Variants in HAVCR1 observed in about 807,000 individuals in gnomAD.
The protein encoded by HAVCR1 is hepatitis A virus cellular receptor 1.
In HAVCR1, 34 loss-of-function variants were observed where a neutral mutation model predicts 32.0. The observed-to-expected ratio is 1.06, with a 90% CI of 0.81 to 1.42. HAVCR1 has a LOEUF of 1.42. Among genes scored for constraint, HAVCR1 ranks in the 40% most tolerant of loss-of-function variants. HAVCR1 has a pLI of 0.00. For synonymous variants in HAVCR1, 178 were observed against 170.3 expected (o/e 1.05, Z -0.35); for missense variants, 420 against 442.3 (o/e 0.95, Z 0.45).
chr5:157,045,607 C>G (rs193114095), intron 5 of HAVCR1, among the ~76,000 whole-genome samples: 1 of 147,772 alleles, frequency 6.8e-6, no homozygotes, highest in African/African-American at 2.7e-5. Flanking sequence ...CTCAATCTGG[C>G]AATAGCATTA....
At chr5:157,052,339 C>A (rs774908760) in intron 4 of HAVCR1, 22 bp downstream of exon 4, 10 of 1,611,082 alleles carry the variant, frequency 6.2e-6, no homozygotes, top group African/African-American at 1.3e-5. Flanking sequence ...GGCCTTTGGG[C>A]TTCCAAACAC....
At chr5:157,042,407 A>G (rs1754958322) in intron 6 of HAVCR1, among the ~76,000 whole-genome samples, 1 of 145,134 alleles carries the variant, frequency 6.9e-6, no homozygotes, top group African/African-American at 2.6e-5. Context: ...GCACCACTGC[A>G]CTCCAGCCTG....
intron 5 of HAVCR1, among the ~76,000 whole-genome samples, 164 bp downstream of exon 5, chr5:157,048,874 A>C (rs1755571800): frequency 6.6e-6 from 1 of 152,076 alleles, no homozygotes; most frequent in Non-Finnish European, 1.5e-5. Context: ...CACCAATGAC[A>C]AAACATTCAG....
chr5:157,035,532 CTG>C (rs1179396975), intron 7 of HAVCR1, among the ~76,000 whole-genome samples: 3 of 152,100 alleles, frequency 2.0e-5, no homozygotes, highest in Non-Finnish European at 2.9e-5. Context: ...CTTTTTTAGT[CTG>C]TGTCTTGCTA....
intron 6 of HAVCR1, among the ~76,000 whole-genome samples, chr5:157,039,546 A>C (rs960300650): frequency 6.6e-6 from 1 of 152,154 alleles, no homozygotes; most frequent in East Asian, 1.9e-4. Flanking sequence ...AGGAGGTTTC[A>C]TCATATTGGT....
intron 5 of HAVCR1, among the ~76,000 whole-genome samples, chr5:157,042,891 G>T (rs181851720): frequency 1.3e-5 from 2 of 152,050 alleles, no homozygotes; most frequent in African/African-American, 4.8e-5. Context: ...TCTGTCACCG[G>T]CTCTTTGAAA....
At chr5:157,035,956 T>G (rs1754502120) in intron 7 of HAVCR1, among the ~76,000 whole-genome samples, 1 of 152,170 alleles carries the variant, frequency 6.6e-6, no homozygotes, top group Admixed American at 6.5e-5. Context: ...GTGCAAATAC[T>G]ACACCATTTT....
In HAVCR1 at chr5:157,044,629, GAAAGAAAGAA is replaced by G. The variant is rs1755229153; in HGVS notation, c.782-1957_782-1948del. ...AAAGAAAGAAAGAGAAAGAAAGAAAGAAAGAAAGAAAGAAAGAAAGAAAGAAAGAAAGAAA... is the reference window on the plus strand; with the variant it reads ...AAAGAAAGAAAGAGAAAGAAAGAAAGAGAAAGAAAGAAAGAAAGAAAGAAA... On this transcript the variant is annotated intron_variant, in intron 5 of 8. Coordinates refer to ENST00000523175, the MANE Select transcript of HAVCR1 (RefSeq NM_001173393.3). Among the ~76,000 whole-genome samples the G allele has an allele frequency of 9.7e-5, 6 of 61,668 alleles. No homozygotes were observed. In the South Asian group the frequency reaches 3.8e-3, roughly 39 times the overall value. 40.5% of individuals were successfully genotyped at this position (61,668 alleles called of 152,430 possible).
At position 157,055,602 on chromosome 5, in the gene HAVCR1, A is replaced by G. The variant is rs1581728202; in HGVS notation, c.47-69T>C. ...TCATCTTGGCTGGGCACAATGGCTCACGCCTGTAATCCAAGAACTTTGGGA... is the reference window on the plus strand; with the variant it reads ...TCATCTTGGCTGGGCACAATGGCTCGCGCCTGTAATCCAAGAACTTTGGGA... On this transcript the variant is annotated intron_variant, in intron 2 of 8. Transcript: ENST00000523175. 1.2e-5 allele frequency: 12 copies of G among 984,028 alleles called. 1 individual carries two copies. Among genetic ancestry groups the G allele is most frequent in the East Asian group, 7.4e-5 (3 of 40,714 alleles). The allele number at this position is 984,028 out of a possible 1,614,324, so 61.0% of individuals were successfully genotyped here.
intron 5 of HAVCR1, among the ~76,000 whole-genome samples, chr5:157,045,179 A>G (rs1755313544): frequency 6.6e-6 from 1 of 152,086 alleles, no homozygotes; most frequent in African/African-American, 2.4e-5. Flanking sequence ...AAAATTATAG[A>G]AATAAACTGT....
chr5:157,043,818 C>T (rs1561588969), intron 5 of HAVCR1, among the ~76,000 whole-genome samples: 1 of 152,164 alleles, frequency 6.6e-6, no homozygotes, highest in Non-Finnish European at 1.5e-5. Flanking sequence ...AAGAAATACA[C>T]AGGAAATGGT....
intron 4 of HAVCR1, among the ~76,000 whole-genome samples, chr5:157,051,618 C>A (rs1755742929): frequency 1.3e-5 from 2 of 152,128 alleles, no homozygotes; most frequent in African/African-American, 4.8e-5. Context: ...GTAGACTTGA[C>A]CTCCCGGCCC....
intron 5 of HAVCR1, among the ~76,000 whole-genome samples, chr5:157,045,589 A>G (rs1755346144): frequency 6.6e-6 from 1 of 152,130 alleles, no homozygotes; most frequent in African/African-American, 2.4e-5. Flanking sequence ...GCAGATTTAT[A>G]GCGCCTCCTC....
chr5:157,065,854 C>CA, the HAVCR1 span, among the ~76,000 whole-genome samples: 86,453 of 141,846 alleles, frequency 0.61, 26,329 homozygotes, highest in East Asian at 0.84. Context: ...GACTCCGTCT[C>CA]AAAAAAAAAA....
intron 4 of HAVCR1, among the ~76,000 whole-genome samples, chr5:157,049,386 C>T (rs902340580): frequency 6.6e-6 from 1 of 152,226 alleles, no homozygotes; most frequent in African/African-American, 2.4e-5. Flanking sequence ...ATCTCATTAA[C>T]ATGAGGAAAT....
intron 7 of HAVCR1, among the ~76,000 whole-genome samples, chr5:157,035,286 A>G (rs1754460982): frequency 6.6e-6 from 1 of 152,202 alleles, no homozygotes; most frequent in Non-Finnish European, 1.5e-5. Context: ...CAAGCTCCAA[A>G]ATAATTATAT....
chr5:157,064,366 G>GA, the HAVCR1 span, among the ~76,000 whole-genome samples: 1 of 146,438 alleles, frequency 6.8e-6, no homozygotes, highest in Non-Finnish European at 1.5e-5. Flanking sequence ...GAAAGAAAAA[G>GA]AAAAATTAGC....
chr5:157,044,607 GAAAGAAAGAGAAAGAA>G (rs1469648906), intron 5 of HAVCR1, among the ~76,000 whole-genome samples: 123 of 70,276 alleles, frequency 1.8e-3, no homozygotes, highest in African/African-American at 6.7e-3. Context: ...AAGAAAGAAA[GAAAGAAAGAGAAAGAA>G]AGAAAGAAAG....
intron 7 of HAVCR1, among the ~76,000 whole-genome samples, chr5:157,034,089 G>A (rs1754349571): frequency 6.6e-6 from 1 of 152,132 alleles, no homozygotes; most frequent in South Asian, 2.1e-4. Flanking sequence ...CAGAGACAAA[G>A]TATAGAGAAA....
Sources: allele counts gnomAD v4.1 joint callset (sites outside exome capture counted in the v4.1 genomes callset), GRCh38; gene constraint gnomAD v4.1.1; transcripts MANE v1.5; gene names NCBI Gene and HGNC (gene_info 2026-07-23, HGNC 2026-07-21).